Variants in MEGF11 observed in about 807,000 individuals in gnomAD.
MEGF11 encodes multiple EGF like domains 11.
In MEGF11, 126 loss-of-function variants were observed where a neutral mutation model predicts 146.6. The observed-to-expected ratio is 0.86, with a 90% CI of 0.74 to 1.00. The LOEUF is 1.00. Among genes scored for constraint, MEGF11 ranks in the 50% least tolerant of loss-of-function variants. The pLI, the probability that MEGF11 is intolerant of heterozygous loss-of-function variation, is 0.00. For synonymous variants in MEGF11, 532 were observed against 583.4 expected (o/e 0.91, Z 1.27); for missense variants, 1,509 against 1,521.2 (o/e 0.99, Z 0.13).
chr15:66,243,477 T>C (rs1262710423), intron 1 of MEGF11, among the ~76,000 whole-genome samples: 1 of 152,120 alleles, frequency 6.6e-6, no homozygotes, highest in Non-Finnish European at 1.5e-5. Flanking sequence ...CTTCCAGGGG[T>C]GCAGAAGGGC....
In MEGF11 at chr15:65,935,322, G is replaced by GAAAAAAA. The variant is rs71139449; in HGVS notation, c.1288-4386_1288-4380dup. ...GTGACAGAGCGAGACTCCGTCTCAA[G>GAAAAAAA]AAAAAAAAAAAAAAAAAAAAAAAAA... is the stretch of plus-strand genomic sequence containing the variant. On this transcript the variant is annotated intron_variant, in intron 10 of 25. Coordinates refer to ENST00000395614, the MANE Select transcript of MEGF11 (RefSeq NM_001385028.1). Among the ~76,000 whole-genome samples the GAAAAAAA allele has an allele frequency of 6.5e-4, 23 of 35,204 alleles. 4 individuals are homozygous for GAAAAAAA. The highest frequency in any genetic ancestry group is 8.1e-4 in the Non-Finnish European group (17 of 21,000). 23.1% of individuals were successfully genotyped at this position (35,204 alleles called of 152,430 possible). A position where few individuals can be genotyped will look rare whatever the true frequency, so the allele number is the denominator to read the frequency against.
chr15:65,950,614 C>G lies in MEGF11; in HGVS notation c.1287+6933G>C, dbSNP rs1207746074. Among the ~76,000 whole-genome samples, 4 of 74,086 alleles carry G rather than the reference C, an allele frequency of 5.4e-5. 1 individual carries two copies. The highest frequency in any genetic ancestry group is 1.9e-4 in the African/African-American group (4 of 21,570). 48.6% of individuals were successfully genotyped at this position (74,086 alleles called of 152,430 possible). A position where few individuals can be genotyped will look rare whatever the true frequency, so the allele number is the denominator to read the frequency against. ...ACACACACACACACACACACACACA[C>G]ACACACACACACAAAAGGAAATAAA... On this transcript the variant is annotated intron_variant, in intron 10 of 25. Transcript: ENST00000395614.
chr15:66,095,725 C>G (rs1348746987), intron 4 of MEGF11, among the ~76,000 whole-genome samples: 2 of 152,210 alleles, frequency 1.3e-5, no homozygotes, highest in South Asian at 4.1e-4. Context: ...CCCCACTGGT[C>G]AGTGGTCTGG....
chr15:65,952,103 C>G (rs113555596), intron 10 of MEGF11, among the ~76,000 whole-genome samples: 1 of 152,100 alleles, frequency 6.6e-6, no homozygotes, highest in Non-Finnish European at 1.5e-5. Context: ...CTGTTAATCT[C>G]TTATTGTGTA....
intron 5 of MEGF11, among the ~76,000 whole-genome samples, chr15:66,048,209 G>GTGCT (rs1270881188): frequency 6.6e-6 from 1 of 152,208 alleles, no homozygotes; most frequent in Non-Finnish European, 1.5e-5. Flanking sequence ...GCCTCCCAAA[G>GTGCT]TGCTGGGATT....
chr15:66,221,824 GACTA>G (rs756741829), intron 1 of MEGF11, among the ~76,000 whole-genome samples: 2 of 152,146 alleles, frequency 1.3e-5, no homozygotes, highest in Middle Eastern at 6.8e-3. Context: ...CTCCCTTTGT[GACTA>G]ACTGAGATGC....
chr15:66,125,631 C>G (rs772569870), intron 2 of MEGF11, among the ~76,000 whole-genome samples: 1 of 152,194 alleles, frequency 6.6e-6, no homozygotes, highest in Non-Finnish European at 1.5e-5. Flanking sequence ...CTCTATCTCT[C>G]AGGGCAGTGG....
At chr15:66,143,043 A>AAAG (rs2089229371) in intron 1 of MEGF11, among the ~76,000 whole-genome samples, 1 of 152,222 alleles carries the variant, frequency 6.6e-6, no homozygotes, top group South Asian at 2.1e-4. Flanking sequence ...TTCTACAGTG[A>AAAG]TTCCAAGCAA....
intron 1 of MEGF11, among the ~76,000 whole-genome samples, chr15:66,152,441 CCTT>C (rs2089605538): frequency 6.6e-6 from 1 of 152,208 alleles, no homozygotes; most frequent in African/African-American, 2.4e-5. Flanking sequence ...CTCAGCATCA[CCTT>C]CTAGGCAGAT....
intron 1 of MEGF11, among the ~76,000 whole-genome samples, chr15:66,227,500 C>T (rs995077587): frequency 5.3e-5 from 8 of 152,306 alleles, no homozygotes; most frequent in Non-Finnish European, 8.8e-5. Flanking sequence ...CAAGATCACA[C>T]GGCCAAGTGG....
At chr15:65,909,714 G>A in intron 22 of MEGF11, 26 bp downstream of exon 22, 2 of 1,548,868 alleles carry the variant, frequency 1.3e-6, no homozygotes, top group Non-Finnish European at 1.7e-6. Context: ...CATGATGGTG[G>A]GGACCAGACT....
intron 5 of MEGF11, among the ~76,000 whole-genome samples, chr15:66,069,017 G>A (rs1276305289): frequency 2.0e-5 from 3 of 152,078 alleles, no homozygotes; most frequent in Non-Finnish European, 2.9e-5. Flanking sequence ...GGTGCTCCTG[G>A]GTCAGACAGT....
intron 15 of MEGF11, 110 bp from the exon 16 acceptor site, chr15:65,918,204 G>T (rs1468207653): frequency 6.7e-7 from 1 of 1,488,340 alleles, no homozygotes; most frequent in South Asian, 1.2e-5. Flanking sequence ...TCACCCAGGG[G>T]TCATGGATCT....
chr15:66,162,060 C>T (rs1332045824), intron 1 of MEGF11, among the ~76,000 whole-genome samples: 2 of 152,106 alleles, frequency 1.3e-5, no homozygotes, highest in Non-Finnish European at 2.9e-5. Context: ...CGGAATTGAT[C>T]CTATGACACA....
chr15:66,215,573 G>T (rs1253299506), intron 1 of MEGF11, among the ~76,000 whole-genome samples: 1 of 152,158 alleles, frequency 6.6e-6, no homozygotes, highest in Non-Finnish European at 1.5e-5. Context: ...TCAGGATCAA[G>T]GTTTTATCTG....
At chr15:66,164,682 G>A (rs2090050308) in intron 1 of MEGF11, among the ~76,000 whole-genome samples, 1 of 152,096 alleles carries the variant, frequency 6.6e-6, no homozygotes, top group Non-Finnish European at 1.5e-5. Flanking sequence ...CCAATTCTTG[G>A]CCAGCCTTTA....
At chr15:65,993,309 C>A (rs774716745) in intron 5 of MEGF11, among the ~76,000 whole-genome samples, 2 of 152,174 alleles carry the variant, frequency 1.3e-5, no homozygotes, top group African/African-American at 4.8e-5. Flanking sequence ...CCCACAGGGA[C>A]CCAGGGACCC....
chr15:66,052,457 T>C (rs1294717848), intron 5 of MEGF11, among the ~76,000 whole-genome samples: 1 of 152,194 alleles, frequency 6.6e-6, no homozygotes, highest in Non-Finnish European at 1.5e-5. Context: ...ATAGAGGTTC[T>C]TGTCTCCAAA....
intron 1 of MEGF11, among the ~76,000 whole-genome samples, chr15:66,156,122 G>A (rs567981244): frequency 6.6e-6 from 1 of 152,276 alleles, no homozygotes; most frequent in South Asian, 2.1e-4. Context: ...GTGGCCTGGA[G>A]TCCCAAAGTC....
Sources: gnomAD v4.1 joint callset for allele counts (sites outside exome capture counted in the v4.1 genomes callset) on GRCh38, gnomAD v4.1.1 for gene constraint, MANE v1.5 for transcripts, NCBI Gene and HGNC (gene_info 2026-07-23, HGNC 2026-07-21) for gene names.